SEC22A: variants seen among roughly 807,000 people sequenced by gnomAD.
SEC22A encodes vesicle-trafficking protein SEC22a.
In SEC22A, 22 loss-of-function variants were observed where a neutral mutation model predicts 35.3. That is an observed-to-expected ratio of 0.62 (90% confidence interval 0.45 to 0.89). The LOEUF is 0.89. SEC22A is among the 40% of genes least tolerant of loss of function. The pLI is 0.00. For synonymous variants in SEC22A, 119 were observed against 129.5 expected (o/e 0.92, Z 0.55); for missense variants, 354 against 362.5 (o/e 0.98, Z 0.19).
chr3:123,236,388 A>G (rs944599578), intron 4 of SEC22A, among the ~76,000 whole-genome samples: 6 of 152,166 alleles, frequency 3.9e-5, no homozygotes, highest in African/African-American at 1.4e-4. Context: ...ATCAACTATA[A>G]TCTTCCTGAT....
chr3:123,244,809 G>A (rs9877353), intron 4 of SEC22A, among the ~76,000 whole-genome samples: 29,838 of 152,020 alleles, frequency 0.2, 3,030 homozygotes, highest in Middle Eastern at 0.27. Context: ...TCTAAATGTG[G>A]TTCTGTTGTC....
chr3:123,233,033 G>A (rs189465503), intron 4 of SEC22A, among the ~76,000 whole-genome samples: 61 of 152,208 alleles, frequency 4.0e-4, no homozygotes, highest in African/African-American at 1.3e-3. Context: ...AGGAGGCTGA[G>A]GTGGGAGAAT....
chr3:123,261,367 A>G (rs1026043284), intron 6 of SEC22A, among the ~76,000 whole-genome samples: 5 of 152,186 alleles, frequency 3.3e-5, no homozygotes, highest in African/African-American at 1.2e-4. Context: ...GAAAACGGAG[A>G]CAGTTTCAGT....
intron 2 of SEC22A, among the ~76,000 whole-genome samples, chr3:123,213,672 C>A (rs1455401111): frequency 6.6e-6 from 1 of 152,124 alleles, no homozygotes; most frequent in Non-Finnish European, 1.5e-5. Flanking sequence ...GGGAATTGAT[C>A]TGCCATGGCT....
chr3:123,209,317 A>G lies in SEC22A; in HGVS notation c.100A>G (p.Arg34Gly). Residue 34 changes from arginine to glycine, a missense_variant, in exon 2 of 7, where the codon AGA becomes GGA. By Grantham distance (125) the Arg-to-Gly change is moderately radical. Coordinates refer to ENST00000492595, the MANE Select transcript of SEC22A (RefSeq NM_012430.5). ...YEQSTGMQECRKYFKMLSRKL... is the reference protein window; with the variant it reads ...YEQSTGMQECGKYFKMLSRKL... ...ACAAAGCACAGGAATGCAGGAGTGC[A>G]GAAAGTATTTTAAAATGCTTTCGAG... is the stretch of plus-strand genomic sequence containing the variant. 3 of 1,614,036 alleles carry G rather than the reference A, an allele frequency of 1.9e-6. No homozygotes were observed. The highest frequency in any genetic ancestry group is 2.5e-6 in the Non-Finnish European group (3 of 1,179,900).
intron 4 of SEC22A, among the ~76,000 whole-genome samples, chr3:123,226,216 C>T (rs1937215447): frequency 6.6e-6 from 1 of 152,158 alleles, no homozygotes; most frequent in East Asian, 1.9e-4. Context: ...ATATAGCTAG[C>T]AGTGGGGTTG....
intron 4 of SEC22A, among the ~76,000 whole-genome samples, chr3:123,227,605 TAAAA>T (rs557366783): frequency 3.9e-5 from 6 of 151,974 alleles, no homozygotes; most frequent in African/African-American, 9.7e-5. Context: ...TAAAGTATAA[TAAAA>T]AAAGAAATAA....
chr3:123,264,165 C>T (rs1937966490), intron 6 of SEC22A, among the ~76,000 whole-genome samples: 1 of 151,996 alleles, frequency 6.6e-6, no homozygotes, highest in African/African-American at 2.4e-5. Context: ...CACCTCAGCC[C>T]CCACAAAGCT....
chr3:123,249,670 G>A (rs1378453350), intron 5 of SEC22A, among the ~76,000 whole-genome samples: 3 of 152,050 alleles, frequency 2.0e-5, no homozygotes, highest in East Asian at 1.9e-4. Flanking sequence ...GATTACAGAT[G>A]TGCATCACCA....
At chr3:123,206,673 G>A (rs1287291984) in intron 1 of SEC22A, among the ~76,000 whole-genome samples, 1 of 152,040 alleles carries the variant, frequency 6.6e-6, no homozygotes, top group Non-Finnish European at 1.5e-5. Flanking sequence ...CTGCTTTTAG[G>A]AGAGAAAAAA....
chr3:123,245,421 G>A (rs1937558075), intron 4 of SEC22A, among the ~76,000 whole-genome samples: 1 of 152,156 alleles, frequency 6.6e-6, no homozygotes, highest in Non-Finnish European at 1.5e-5. Flanking sequence ...AAGGCCAGAT[G>A]CAATGTCTCA....
chr3:123,239,549 G>A (rs1937487669), intron 4 of SEC22A, among the ~76,000 whole-genome samples: 1 of 151,754 alleles, frequency 6.6e-6, no homozygotes, highest in African/African-American at 2.4e-5. Context: ...ATCTCATTGT[G>A]GTTTTGATTT....
chr3:123,230,040 T>C (rs147073235), intron 4 of SEC22A, among the ~76,000 whole-genome samples: 179 of 152,058 alleles, frequency 1.2e-3, no homozygotes, highest in African/African-American at 4.1e-3. Context: ...CTTAATACTT[T>C]GGGAGGCCAA....
intron 3 of SEC22A, among the ~76,000 whole-genome samples, chr3:123,224,830 G>GT (rs1937192334): frequency 1.3e-5 from 2 of 152,000 alleles, no homozygotes; most frequent in South Asian, 2.1e-4. Context: ...AGTTAAAGCT[G>GT]TTTTTTGTTT....
At chr3:123,203,053 C>CTT (rs779433710) in intron 1 of SEC22A, among the ~76,000 whole-genome samples, 1,332 of 43,618 alleles carry the variant, frequency 0.031, 259 homozygotes, top group African/African-American at 0.055. Context: ...TGTTTAGTGC[C>CTT]TTTTTTTTTT....
chr3:123,234,884 G>A (rs1202108545), intron 4 of SEC22A, among the ~76,000 whole-genome samples: 35 of 151,986 alleles, frequency 2.3e-4, no homozygotes, highest in Non-Finnish European at 1.5e-5. Context: ...TTATCCAGGC[G>A]TGGTGGCGCA....
Position 123,225,212 on chromosome 3 carries a change from A to G in SEC22A, c.456A>G (p.Gln152=), listed in dbSNP as rs1423271430. 6.2e-7 allele frequency: 1 copy of G among 1,613,804 alleles called. No homozygotes were observed. Among genetic ancestry groups the G allele is most frequent in the East Asian group, 2.2e-5 (1 of 44,876 alleles). ...QTEIKLRPPY[Q]ISMCELGSAN... is the part of the protein sequence containing the mutation. ...AAATCAAGCTGAGGCCTCCTTATCAAATTTCCATGTGCGAACTGGGGTCAG... is the reference window on the plus strand; with the variant it reads ...AAATCAAGCTGAGGCCTCCTTATCAGATTTCCATGTGCGAACTGGGGTCAG... Residue 152 remains glutamine, a synonymous_variant, in exon 4 of 7, where the codon CAA becomes CAG. Coordinates refer to ENST00000492595, the MANE Select transcript of SEC22A (RefSeq NM_012430.5).
chr3:123,240,512 G>A lies in SEC22A; in HGVS notation c.542-5387G>A, dbSNP rs554465349. Reference sequence around the variant, plus strand: ...CTGAGCGGTATTCCATTGTATGAATGTACCACAATTTGTTTATTTATTCTC... The same window carrying A: ...CTGAGCGGTATTCCATTGTATGAATATACCACAATTTGTTTATTTATTCTC... On this transcript the variant is annotated intron_variant, in intron 4 of 6. Coordinates refer to ENST00000492595, the MANE Select transcript of SEC22A (RefSeq NM_012430.5). 2.0e-5 allele frequency among the ~76,000 whole-genome samples: 3 copies of A among 152,266 alleles called. No individual in the cohort carries two copies. The South Asian group carries it at 6.2e-4, about 32-fold the overall frequency.
In SEC22A at chr3:123,238,457, A is replaced by G. The variant is rs560544950; in HGVS notation, c.542-7442A>G. 2.0e-5 allele frequency among the ~76,000 whole-genome samples: 3 copies of G among 152,294 alleles called. No individual in the cohort carries two copies. In the South Asian group the frequency reaches 6.2e-4, roughly 32 times the overall value. ...GTGATCTGCCCACTTTGGCCTCCCA[A>G]AGTGCTGGGATTACAGACGTGCGCC... On this transcript the variant is annotated intron_variant, in intron 4 of 6. Coordinates refer to ENST00000492595, the MANE Select transcript of SEC22A (RefSeq NM_012430.5).
Sources: gnomAD v4.1 joint callset for allele counts (sites outside exome capture counted in the v4.1 genomes callset) on GRCh38, gnomAD v4.1.1 for gene constraint, MANE v1.5 for transcripts, NCBI Gene and HGNC (gene_info 2026-07-23, HGNC 2026-07-21) for gene names.